The following DPYD variants were observed in gnomAD, a reference collection of about 807,000 sequenced individuals.
DPYD encodes the protein dihydropyrimidine dehydrogenase [NADP(+)].
DPYD carries 109 observed loss-of-function variants against 116.2 expected under a neutral mutation model. That is an observed-to-expected ratio of 0.94 (90% CI 0.80 to 1.10). The LOEUF is 1.10. Among genes scored for constraint, DPYD ranks in the 50% least tolerant of loss-of-function variants. DPYD has a pLI of 0.00. For synonymous variants in DPYD, 440 were observed against 432.0 expected (o/e 1.02, Z -0.23); for missense variants, 1,302 against 1,254.5 (o/e 1.04, Z -0.57).
intron 18 of DPYD, among the ~76,000 whole-genome samples, chr1:97,280,549 T>C (rs968548920): frequency 1.3e-5 from 2 of 152,200 alleles, no homozygotes; most frequent in Non-Finnish European, 2.9e-5. Flanking sequence ...AATGGAATAC[T>C]ATTCAGCCAT....
chr1:97,323,146 C>T (rs1558029154), intron 16 of DPYD, among the ~76,000 whole-genome samples: 1 of 148,324 alleles, frequency 6.7e-6, no homozygotes, highest in Non-Finnish European at 1.5e-5. Context: ...TATGTATAGG[C>T]ATATATATGT....
intron 8 of DPYD, among the ~76,000 whole-genome samples, chr1:97,637,379 C>T (rs950372223): frequency 1.2e-4 from 18 of 152,246 alleles, no homozygotes; most frequent in Non-Finnish European, 8.8e-5. Context: ...CAGCTACCTA[C>T]TTCTTTTGTT....
chr1:97,573,889 C>A lies in DPYD; in HGVS notation c.1210G>T (p.Val404Phe), dbSNP rs1407686347. The change falls in exon 11 of 23, where the codon GTT becomes TTT. Residue 404 changes from valine (V) to phenylalanine (F), a missense_variant. Val to Phe is a conservative substitution (Grantham distance 50). Transcript: ENST00000370192. ...TCTGTCCGAACAAACTGCATAGCAA[C>A]AATTCTCCCACCTTTTACTATAACC... ...RKVIVKGGRI[V>F]AMQFVRTEQD... The A allele has an allele frequency of 3.7e-6, 6 of 1,613,702 alleles. No homozygotes were observed. Among genetic ancestry groups the A allele is most frequent in the Non-Finnish European group, 5.1e-6 (6 of 1,179,718 alleles).
At chr1:97,188,187 CCAT>C (rs1658127459) in intron 20 of DPYD, among the ~76,000 whole-genome samples, 1 of 152,118 alleles carries the variant, frequency 6.6e-6, no homozygotes, top group Non-Finnish European at 1.5e-5. Flanking sequence ...TGTACAACCA[CCAT>C]GACAGAATTT....
intron 20 of DPYD, among the ~76,000 whole-genome samples, chr1:97,156,691 C>T (rs828060): frequency 0.53 from 79,437 of 151,078 alleles, 23,559 homozygotes; most frequent in East Asian, 0.94. Context: ...AGTTCAACCA[C>T]TGTGGAAGTC....
At chr1:97,448,478 C>T (rs186593726) in intron 14 of DPYD, among the ~76,000 whole-genome samples, 1 of 152,160 alleles carries the variant, frequency 6.6e-6, no homozygotes, top group East Asian at 1.9e-4. Flanking sequence ...TGTAACTGTG[C>T]CTAGCACAGA....
At chr1:97,699,925 C>T (rs966196132) in intron 5 of DPYD, among the ~76,000 whole-genome samples, 2 of 152,068 alleles carry the variant, frequency 1.3e-5, no homozygotes, top group African/African-American at 4.8e-5. Context: ...AATCAGAAAA[C>T]ATGTCACATG....
intron 1 of DPYD, among the ~76,000 whole-genome samples, chr1:97,920,049 A>G (rs1674427235): frequency 6.6e-6 from 1 of 152,212 alleles, no homozygotes; most frequent in Non-Finnish European, 1.5e-5. Flanking sequence ...AAATAAAGAA[A>G]AGCCCCAAAC....
chr1:97,162,931 T>G (rs997037487), intron 20 of DPYD, among the ~76,000 whole-genome samples: 1 of 151,838 alleles, frequency 6.6e-6, no homozygotes, highest in African/African-American at 2.4e-5. Flanking sequence ...TAGCCATATG[T>G]AGAAAGCTGA....
At chr1:97,742,388 T>C (rs535425203) in intron 3 of DPYD, among the ~76,000 whole-genome samples, 1 of 152,258 alleles carries the variant, frequency 6.6e-6, no homozygotes, top group African/African-American at 2.4e-5. Context: ...TTTGTGCCCT[T>C]AGCCTTCTCT....
chr1:97,384,947 C>A (rs1407429925), intron 14 of DPYD, among the ~76,000 whole-genome samples: 1 of 152,040 alleles, frequency 6.6e-6, no homozygotes, highest in Non-Finnish European at 1.5e-5. Context: ...AATTATTGTT[C>A]ATTGAGTTTA....
chr1:97,370,200 T>C (rs1205074494), intron 16 of DPYD, among the ~76,000 whole-genome samples: 1 of 152,160 alleles, frequency 6.6e-6, no homozygotes, highest in Non-Finnish European at 1.5e-5. Context: ...ATCACCACAC[T>C]GTCTTCCACA....
At chr1:97,183,100 T>A (rs377716811) in intron 20 of DPYD, among the ~76,000 whole-genome samples, 25,733 of 152,028 alleles carry the variant, frequency 0.17, 2,642 homozygotes, top group Middle Eastern at 0.27. Context: ...CAAGACATTT[T>A]TCCTTTCCCC....
chr1:97,252,573 T>C (rs1262445390), intron 18 of DPYD, among the ~76,000 whole-genome samples: 1 of 152,176 alleles, frequency 6.6e-6, no homozygotes, highest in African/African-American at 2.4e-5. Context: ...ATATGTTAAA[T>C]CTAGTTACAG....
intron 14 of DPYD, among the ~76,000 whole-genome samples, chr1:97,389,479 T>TTA (rs1557678620): frequency 6.6e-6 from 1 of 151,974 alleles, no homozygotes; most frequent in African/African-American, 2.4e-5. Flanking sequence ...GGAACACAGA[T>TTA]TACAGTCCCC....
intron 13 of DPYD, among the ~76,000 whole-genome samples, chr1:97,493,419 T>A (rs1179009723): frequency 6.6e-6 from 1 of 152,136 alleles, no homozygotes; most frequent in Non-Finnish European, 1.5e-5. Context: ...CCTTTGAAAT[T>A]TATTTTTGTC....
At chr1:97,654,424 T>G (rs1282117530) in intron 8 of DPYD, among the ~76,000 whole-genome samples, 2 of 152,148 alleles carry the variant, frequency 1.3e-5, no homozygotes, top group Non-Finnish European at 2.9e-5. Context: ...TAATATAATT[T>G]TTATAGTGAT....
At chr1:97,668,094 C>T (rs1255407484) in intron 8 of DPYD, among the ~76,000 whole-genome samples, 2 of 152,150 alleles carry the variant, frequency 1.3e-5, no homozygotes, top group East Asian at 3.9e-4. Flanking sequence ...CTGATGGTTG[C>T]ACAACGATGT....
At chr1:97,627,719 C>A (rs1251006502) in intron 8 of DPYD, among the ~76,000 whole-genome samples, 1 of 151,962 alleles carries the variant, frequency 6.6e-6, no homozygotes, top group African/African-American at 2.4e-5. Context: ...TCTCTTCTCT[C>A]CAAGTATTCT....
Sources: gnomAD v4.1 joint callset for allele counts (sites outside exome capture counted in the v4.1 genomes callset) on GRCh38, gnomAD v4.1.1 for gene constraint, MANE v1.5 for transcripts, NCBI Gene and HGNC (gene_info 2026-07-23, HGNC 2026-07-21) for gene names.